SIDT1: variants seen among roughly 807,000 people sequenced by gnomAD.
The protein encoded by SIDT1 is SID1 transmembrane family, member 1.
In SIDT1, 101 loss-of-function variants were observed where a neutral mutation model predicts 107.5. The ratio of observed to expected loss-of-function variants is 0.94; its 90% confidence interval spans 0.80 to 1.11. The LOEUF (loss-of-function observed/expected upper bound fraction) is 1.11, where lower values mean the gene tolerates loss of function less well. Among genes scored for constraint, SIDT1 ranks in the 50% least tolerant of loss-of-function variants. The probability of loss-of-function intolerance (pLI) is 0.00; values close to 1 mark genes in which losing one functional copy is unlikely to be tolerated. For synonymous variants in SIDT1, 395 were observed against 398.2 expected (o/e 0.99, Z 0.10); for missense variants, 1,076 against 1,058.2 (o/e 1.02, Z -0.23).
At chr3:113,550,374 C>T (rs368030107) in intron 1 of SIDT1, among the ~76,000 whole-genome samples, 159 of 152,224 alleles carry the variant, frequency 1.0e-3, no homozygotes, top group African/African-American at 3.8e-3. Context: ...AGAGCCATAA[C>T]GAATAATCTC....
chr3:113,569,997 C>T (rs1157498110), intron 3 of SIDT1, among the ~76,000 whole-genome samples: 1 of 152,164 alleles, frequency 6.6e-6, no homozygotes, highest in Non-Finnish European at 1.5e-5. Context: ...CCTCCACCTC[C>T]TGGGTTCAAG....
chr3:113,591,007 A>C (rs1944107068), intron 9 of SIDT1, among the ~76,000 whole-genome samples: 1 of 152,252 alleles, frequency 6.6e-6, no homozygotes, highest in Non-Finnish European at 1.5e-5. Flanking sequence ...GGTTATCTAC[A>C]TGGACCTAAT....
At chr3:113,567,286 G>A (rs992784924) in intron 2 of SIDT1, among the ~76,000 whole-genome samples, 18 of 152,248 alleles carry the variant, frequency 1.2e-4, no homozygotes, top group Middle Eastern at 3.4e-3. Context: ...ATGGCTTAGC[G>A]TAATGTAGAT....
intron 9 of SIDT1, chr3:113,592,799 G>A: frequency 2.0e-6 from 1 of 512,786 alleles, no homozygotes; most frequent in Non-Finnish European, 3.6e-6. Flanking sequence ...TATTGGCCAG[G>A]CTGGTCTTGA....
downstream of SIDT1, chr3:113,632,679 C>T (rs1055143857): frequency 6.6e-6 from 1 of 152,180 alleles, no homozygotes; most frequent in Non-Finnish European, 1.5e-5. Context: ...CAGCAGTGAA[C>T]AAAATGCACG....
chr3:113,561,283 T>TG (rs2107722488), intron 1 of SIDT1, among the ~76,000 whole-genome samples: 1 of 152,352 alleles, frequency 6.6e-6, no homozygotes, highest in East Asian at 1.9e-4. Flanking sequence ...CTGTTCATCT[T>TG]GAAAAACTGC....
At chr3:113,585,084 A>G in intron 8 of SIDT1, 93 bp from the exon 9 acceptor site, 1 of 862,808 alleles carries the variant, frequency 1.2e-6, no homozygotes, top group Non-Finnish European at 1.9e-6. Flanking sequence ...AAGAATCAAT[A>G]TGATGGAGGG....
Position 113,601,670 on chromosome 3 carries a change from C to T in SIDT1, c.1117+11C>T, listed in dbSNP as rs1032937289. ...ATTATGGGACAATAGGTATGTCCTA[C>T]CAGGTCTGTTCATGAAAGTGTTTCC... On this transcript the variant is annotated intron_variant, in intron 11 of 24. Transcript: ENST00000264852. The T allele has an allele frequency of 1.4e-5, 22 of 1,594,168 alleles. No individual in the cohort carries two copies. In the Admixed American group the frequency reaches 2.4e-4, roughly 17 times the overall value.
intron 3 of SIDT1, among the ~76,000 whole-genome samples, chr3:113,568,121 AG>A (rs1942090066): frequency 6.6e-6 from 1 of 152,126 alleles, no homozygotes; most frequent in Non-Finnish European, 1.5e-5. Flanking sequence ...CTTCCAGGTT[AG>A]TAACATAGGT....
In SIDT1 at chr3:113,594,650, G is replaced by A. The variant is rs144009894; in HGVS notation, c.1045+1602G>A. Among the ~76,000 whole-genome samples the A allele has an allele frequency of 3.2e-4, 49 of 152,280 alleles. 1 individual carries two copies. In the East Asian group the frequency reaches 9.3e-3, roughly 29 times the overall value. ...TGAGCCAGATCATTGTCCAGGTTCA[G>A]GGAGGCTCTGAAAATTAGCTAAGAG... On this transcript the variant is annotated intron_variant, in intron 10 of 24. Coordinates refer to ENST00000264852, the MANE Select transcript of SIDT1 (RefSeq NM_017699.3).
chr3:113,625,921 C>T, intron 23 of SIDT1, 181 bp from the exon 24 acceptor site: 2 of 560,638 alleles, frequency 3.6e-6, no homozygotes, highest in Non-Finnish European at 6.4e-6. Context: ...TCTATTTTTG[C>T]TTTGGTTGCC....
intron 1 of SIDT1, among the ~76,000 whole-genome samples, chr3:113,548,580 A>C (rs1279076795): frequency 1.3e-5 from 2 of 152,052 alleles, no homozygotes; most frequent in African/African-American, 2.4e-5. Context: ...CAAGAAGGTC[A>C]CTCTGACCTT....
intron 1 of SIDT1, among the ~76,000 whole-genome samples, chr3:113,535,496 T>C (rs1411998826): frequency 6.6e-6 from 1 of 152,232 alleles, no homozygotes; most frequent in Non-Finnish European, 1.5e-5. Context: ...AAAAACACAT[T>C]TTAAAAATTG....
At chr3:113,616,963 C>T (rs984463286) in intron 20 of SIDT1, among the ~76,000 whole-genome samples, 1 of 152,148 alleles carries the variant, frequency 6.6e-6, no homozygotes, top group Non-Finnish European at 1.5e-5. Flanking sequence ...GCTGGGATTA[C>T]AGACGTGAGC....
intron 1 of SIDT1, among the ~76,000 whole-genome samples, chr3:113,559,437 T>TA (rs1176969811): frequency 1.9e-4 from 13 of 67,132 alleles, no homozygotes; most frequent in African/African-American, 7.8e-4. Flanking sequence ...TTTTATTTAT[T>TA]TTTTTTTTTT....
intron 10 of SIDT1, among the ~76,000 whole-genome samples, chr3:113,600,245 G>T (rs2107652970): frequency 6.6e-6 from 1 of 152,110 alleles, no homozygotes; most frequent in East Asian, 1.9e-4. Flanking sequence ...GGGAGGTGGA[G>T]GTTGCAGTGA....
intron 3 of SIDT1, among the ~76,000 whole-genome samples, chr3:113,571,028 C>T (rs754439934): frequency 2.6e-5 from 4 of 152,182 alleles, no homozygotes; most frequent in Non-Finnish European, 4.4e-5. Flanking sequence ...GCGCTCTTCT[C>T]GCCATAATGA....
At chr3:113,563,523 CAGG>C (rs1376027949) in intron 1 of SIDT1, among the ~76,000 whole-genome samples, 1 of 152,164 alleles carries the variant, frequency 6.6e-6, no homozygotes, top group African/African-American at 2.4e-5. Context: ...GCAGGCAATA[CAGG>C]AGATCAACAA....
At chr3:113,588,872 A>G (rs1943935749) in intron 9 of SIDT1, 1 of 152,026 alleles carries the variant, frequency 6.6e-6, no homozygotes, top group Non-Finnish European at 1.5e-5. Flanking sequence ...TTGCTCACAA[A>G]TCTATGGGTC....
Sources: allele counts gnomAD v4.1 joint callset (sites outside exome capture counted in the v4.1 genomes callset), GRCh38; gene constraint gnomAD v4.1.1; transcripts MANE v1.5; gene names NCBI Gene and HGNC (gene_info 2026-07-23, HGNC 2026-07-21).